ZBTB44: variants seen among roughly 807,000 people sequenced by gnomAD.
ZBTB44 encodes zinc finger and BTB domain containing 44.
ZBTB44 carries 15 observed loss-of-function variants against 54.0 expected under a neutral mutation model. The ratio of observed to expected loss-of-function variants is 0.28; its 90% CI spans 0.19 to 0.43. ZBTB44 has a LOEUF of 0.43. Among genes scored for constraint, ZBTB44 ranks in the 20% least tolerant of loss-of-function variants. The pLI is 1.00. For synonymous variants in ZBTB44, 230 were observed against 250.1 expected (o/e 0.92, Z 0.76); for missense variants, 487 against 707.1 (o/e 0.69, Z 3.53).
chr11:130,274,771 G>C (rs923589727), intron 1 of ZBTB44, among the ~76,000 whole-genome samples: 1 of 152,128 alleles, frequency 6.6e-6, no homozygotes, highest in African/African-American at 2.4e-5. Flanking sequence ...CTAGTACTTT[G>C]TTGAGGATTT....
In ZBTB44 at chr11:130,229,358, A is replaced by G. The variant is rs974354221; in HGVS notation, c.*2406T>C. The G allele has an allele frequency of 6.6e-6, 1 of 152,142 alleles. No individual in the cohort carries two copies. Among genetic ancestry groups the G allele is most frequent in the Non-Finnish European group, 1.5e-5 (1 of 68,012 alleles). The allele number at this position is 152,142 out of a possible 1,614,324, so 9.4% of individuals were successfully genotyped here. A position where few individuals can be genotyped will look rare whatever the true frequency, so the allele number is the denominator to read the frequency against. ...GGCTTAACCCCCCATAAATATTACA[A>G]CATCTCAACTTATCTATCGTCTAAA... On this transcript the variant is annotated 3_prime_UTR_variant, in exon 8 of 8. Coordinates refer to ENST00000357899, the MANE Select transcript of ZBTB44 (RefSeq NM_001301098.2).
At chr11:130,252,182 G>A (rs1038077404) in intron 2 of ZBTB44, among the ~76,000 whole-genome samples, 16 of 152,066 alleles carry the variant, frequency 1.1e-4, no homozygotes, top group African/African-American at 3.9e-4. Context: ...ACAAAGAAGG[G>A]CATTATATAA....
At chr11:130,267,043 T>A (rs1033113445) in intron 1 of ZBTB44, among the ~76,000 whole-genome samples, 1 of 152,144 alleles carries the variant, frequency 6.6e-6, no homozygotes, top group African/African-American at 2.4e-5. Flanking sequence ...GGTGGGTGGA[T>A]GGCTTGAGCT....
chr11:130,245,136 G>T (rs1414479502), intron 2 of ZBTB44, among the ~76,000 whole-genome samples: 1 of 152,144 alleles, frequency 6.6e-6, no homozygotes, highest in Non-Finnish European at 1.5e-5. Context: ...ATTCCCAATT[G>T]CACCCCCATT....
chr11:130,255,394 A>G (rs1386415218), intron 2 of ZBTB44, among the ~76,000 whole-genome samples: 1 of 152,228 alleles, frequency 6.6e-6, no homozygotes, highest in Non-Finnish European at 1.5e-5. Context: ...TCTCCGGGAC[A>G]TGCTAAAGCA....
rs184845169 is a variant in ZBTB44 at position 130,314,071 on chromosome 11, G to A, written c.-57+304C>T. 6.4e-3 allele frequency among the ~76,000 whole-genome samples: 95 copies of A among 14,948 alleles called. 2 individuals carry two copies. In the East Asian group the frequency reaches 0.13, roughly 21 times the overall value. The allele number at this position is 14,948 out of a possible 152,430, so 9.8% of individuals were successfully genotyped here. Reference sequence around the variant, plus strand: ...GAGCCTCCCGGGTTCGACCAGGTGAGAGGTGGCAACACTCCGGCCGCTCCG... The same window carrying A: ...GAGCCTCCCGGGTTCGACCAGGTGAAAGGTGGCAACACTCCGGCCGCTCCG... On this transcript the variant is annotated intron_variant, in intron 1 of 7. Transcript: ENST00000357899.
At position 130,239,903 on chromosome 11, in the gene ZBTB44, A is replaced by G. The variant is rs777234627; in HGVS notation, c.1019-7T>C. On this transcript the variant is annotated splice_region_variant and splice_polypyrimidine_tract_variant and intron_variant, in intron 2 of 7. Transcript: ENST00000357899. ...ACGCCTTCATCTACTGAGCCTGTGAATAAGAGAAAGAGGACCACTGTAATC... is the reference window on the plus strand; with the variant it reads ...ACGCCTTCATCTACTGAGCCTGTGAGTAAGAGAAAGAGGACCACTGTAATC... 1.2e-6 allele frequency: 2 copies of G among 1,606,396 alleles called. No homozygotes were observed. The highest frequency in any genetic ancestry group is 2.2e-5 in the East Asian group (1 of 44,752).
chr11:130,266,254 G>A (rs1264345053), intron 1 of ZBTB44, among the ~76,000 whole-genome samples: 2 of 152,210 alleles, frequency 1.3e-5, no homozygotes, highest in African/African-American at 4.8e-5. Context: ...TCTATTTACA[G>A]CATGGTTTAC....
At chr11:130,235,967 C>CA (rs573886694) in intron 5 of ZBTB44, 67,688 of 591,718 alleles carry the variant, frequency 0.11, 370 homozygotes, top group African/African-American at 0.19. Flanking sequence ...GACTCCATCT[C>CA]AAAAAAAAAA....
intron 1 of ZBTB44, among the ~76,000 whole-genome samples, chr11:130,288,525 G>A (rs906448896): frequency 2.0e-5 from 3 of 152,052 alleles, no homozygotes; most frequent in East Asian, 1.9e-4. Context: ...TTAATCTCAC[G>A]TACTCTCTAA....
chr11:130,296,797 C>G (rs1941680468), intron 1 of ZBTB44: 1 of 758,276 alleles, frequency 1.3e-6, no homozygotes, highest in South Asian at 1.4e-5. Context: ...GCATATAAGT[C>G]ATACATATGA....
At chr11:130,271,420 A>G (rs1001045872) in intron 1 of ZBTB44, among the ~76,000 whole-genome samples, 1 of 152,214 alleles carries the variant, frequency 6.6e-6, no homozygotes, top group Admixed American at 6.5e-5. Flanking sequence ...ATCTGACCAG[A>G]TAACAAGGAA....
rs139056973 is a variant in ZBTB44 at position 130,310,732 on chromosome 11, A to G, written c.-57+3643T>C. Among the ~76,000 whole-genome samples, 148 of 152,212 alleles carry G rather than the reference A, an allele frequency of 9.7e-4. 1 individual carries two copies. The highest frequency in any genetic ancestry group is 1.8e-3 in the Admixed American group (27 of 15,286). On this transcript the variant is annotated intron_variant, in intron 1 of 7. Coordinates refer to ENST00000357899, the MANE Select transcript of ZBTB44 (RefSeq NM_001301098.2). ...TAATTTTAATGAGGTTTATCCAAATATAGTTTTTTTTTGTTTTGTTTTGCT... is the reference window on the plus strand; with the variant it reads ...TAATTTTAATGAGGTTTATCCAAATGTAGTTTTTTTTTGTTTTGTTTTGCT...
At chr11:130,271,365 G>A (rs1361839854) in intron 1 of ZBTB44, among the ~76,000 whole-genome samples, 1 of 152,100 alleles carries the variant, frequency 6.6e-6, no homozygotes, top group African/African-American at 2.4e-5. Context: ...GGTCCTTAGA[G>A]AAATGGCTGA....
Position 130,248,801 on chromosome 11 carries a change from C to T in ZBTB44, c.1019-8905G>A, listed in dbSNP as rs571996110. Among the ~76,000 whole-genome samples, 13 of 152,094 alleles carry T rather than the reference C, an allele frequency of 8.5e-5. No individual in the cohort carries two copies. The South Asian group carries it at 2.5e-3, about 29-fold the overall frequency. ...CTGAAAGATTTGTTCTACTTATTAA[C>T]TTGTTAATAACATCATAAAGGGCTG... On this transcript the variant is annotated intron_variant, in intron 2 of 7. Transcript: ENST00000357899.
At chr11:130,283,692 G>A (rs898407980) in intron 1 of ZBTB44, among the ~76,000 whole-genome samples, 1 of 151,848 alleles carries the variant, frequency 6.6e-6, no homozygotes, top group South Asian at 2.1e-4. Context: ...CAGGCCAGGC[G>A]CAGTGGCTCA....
intron 1 of ZBTB44, among the ~76,000 whole-genome samples, chr11:130,269,332 A>G (rs12786903): frequency 1.3e-5 from 2 of 151,890 alleles, no homozygotes; most frequent in African/African-American, 2.4e-5. Flanking sequence ...GTGTAGATGA[A>G]TATGTATATG....
intron 2 of ZBTB44, among the ~76,000 whole-genome samples, chr11:130,253,525 A>ACTCTTCTCTTTATAGTT (rs1938196083): frequency 6.6e-6 from 1 of 152,122 alleles, no homozygotes; most frequent in Non-Finnish European, 1.5e-5. Context: ...ACATGAAGGA[A>ACTCTTCTCTTTATAGTT]CTCTTCAAGG....
intron 1 of ZBTB44, chr11:130,296,597 A>G: frequency 1.1e-6 from 1 of 892,834 alleles, no homozygotes; most frequent in Non-Finnish European, 1.9e-6. Context: ...TAGAACAGCC[A>G]GAGGCCTAAA....
Sources: gnomAD v4.1 joint callset for allele counts (sites outside exome capture counted in the v4.1 genomes callset) on GRCh38, gnomAD v4.1.1 for gene constraint, MANE v1.5 for transcripts, NCBI Gene and HGNC (gene_info 2026-07-23, HGNC 2026-07-21) for gene names.